FAM120B: variants seen among roughly 807,000 people sequenced by gnomAD.
The protein encoded by FAM120B is constitutive coactivator of peroxisome proliferator-activated receptor gamma.
A neutral mutation model predicts 96.3 loss-of-function variants in FAM120B; 83 were observed. That is an observed-to-expected ratio of 0.86 (90% CI 0.72 to 1.03). The LOEUF (loss-of-function observed/expected upper bound fraction) is 1.03, where lower values mean the gene tolerates loss of function less well. Among genes scored for constraint, FAM120B ranks in the 50% least tolerant of loss-of-function variants. FAM120B has a pLI of 0.00. For missense variants in FAM120B, 1,027 were observed against 1,121.2 expected, an observed-to-expected ratio of 0.92 and a Z score of 1.20; for synonymous variants, 407 against 402.7, an observed-to-expected ratio of 1.01 and a Z score of -0.13.
At chr6:170,362,908 C>T (rs1788555684) in intron 6 of FAM120B, among the ~76,000 whole-genome samples, 1 of 151,916 alleles carries the variant, frequency 6.6e-6, no homozygotes, top group South Asian at 2.1e-4. Flanking sequence ...TGGTCTCGAA[C>T]TCCTGAGCTC....
upstream of FAM120B, among the ~76,000 whole-genome samples, chr6:170,294,031 C>T (rs1220058734): frequency 6.6e-6 from 1 of 152,160 alleles, no homozygotes; most frequent in African/African-American, 2.4e-5. The surrounding 1 kb of genome is among the most constrained non-coding windows in gnomAD (Gnocchi z 7.9). Flanking sequence ...CCATCAGCCC[C>T]CTAGCCAGCC....
At position 170,396,739 on chromosome 6, in the gene FAM120B, G is replaced by T. The variant is rs151187911; in HGVS notation, c.2692+1160G>T. On this transcript the variant is annotated intron_variant, in intron 9 of 10. Transcript: ENST00000476287. ...CATCCGAGTATTTATACCAGTGCAG[G>T]GCAACTGAGATCTGGGCAAAAGACC... 2.3e-3 allele frequency among the ~76,000 whole-genome samples: 344 copies of T among 152,264 alleles called. 2 individuals are homozygous for T. The highest frequency in any genetic ancestry group is 0.014 in the Middle Eastern group (4 of 294).
At chr6:170,299,860 T>A (rs1332337841) in intron 1 of FAM120B, among the ~76,000 whole-genome samples, 1 of 152,248 alleles carries the variant, frequency 6.6e-6, no homozygotes, top group African/African-American at 2.4e-5. Context: ...CTGACATCCA[T>A]GCCCTGTCAG....
chr6:170,336,275 G>A (rs1265259551), intron 4 of FAM120B, among the ~76,000 whole-genome samples: 1 of 152,182 alleles, frequency 6.6e-6, no homozygotes, highest in Admixed American at 6.5e-5. Flanking sequence ...TGGCTAGCCA[G>A]TTTTCACAGC....
At chr6:170,303,084 A>G (rs1784175379), upstream of FAM120B, among the ~76,000 whole-genome samples, 1 of 152,258 alleles carries the variant, frequency 6.6e-6, no homozygotes, top group Non-Finnish European at 1.5e-5. Context: ...TTTTCCTTAT[A>G]TCAAATATTT....
chr6:170,397,965 T>A (rs1778273770), intron 9 of FAM120B, among the ~76,000 whole-genome samples: 1 of 140,346 alleles, frequency 7.1e-6, no homozygotes, highest in Non-Finnish European at 1.6e-5. Flanking sequence ...AAGGAGACCT[T>A]CTGCTTACCC....
intron 9 of FAM120B, among the ~76,000 whole-genome samples, chr6:170,402,016 G>A (rs142872576): frequency 6.6e-6 from 1 of 152,220 alleles, no homozygotes; most frequent in Admixed American, 6.5e-5. Flanking sequence ...GACTCCCTGC[G>A]CCCTGGGCTC....
chr6:170,375,017 G>A (rs1432822765), intron 6 of FAM120B, among the ~76,000 whole-genome samples: 1 of 152,220 alleles, frequency 6.6e-6, no homozygotes, highest in Non-Finnish European at 1.5e-5. Context: ...GCACAGATGA[G>A]ATCACCACAA....
intron 6 of FAM120B, among the ~76,000 whole-genome samples, chr6:170,381,465 T>C (rs1485366487): frequency 6.6e-6 from 1 of 152,170 alleles, no homozygotes; most frequent in East Asian, 1.9e-4. Flanking sequence ...TAAAGAAGAA[T>C]TAATGCTAGT....
intron 6 of FAM120B, among the ~76,000 whole-genome samples, chr6:170,379,028 G>A (rs1789748242): frequency 6.6e-6 from 1 of 152,202 alleles, no homozygotes. Context: ...GGTTTCTCTG[G>A]CGTTTATGCT....
At chr6:170,315,018 G>A (rs554898055) in intron 1 of FAM120B, among the ~76,000 whole-genome samples, 11 of 152,234 alleles carry the variant, frequency 7.2e-5, no homozygotes, top group Admixed American at 1.3e-4. Context: ...CACAGTGGGC[G>A]TGCGGTGAAC....
intron 8 of FAM120B, among the ~76,000 whole-genome samples, chr6:170,395,265 A>G (rs1256430874): frequency 6.6e-6 from 1 of 152,044 alleles, no homozygotes; most frequent in Non-Finnish European, 1.5e-5. Context: ...CCAATACCAG[A>G]TTCTCCTGGG....
intron 9 of FAM120B, among the ~76,000 whole-genome samples, chr6:170,396,511 G>C (rs1778173123): frequency 1.3e-5 from 2 of 152,192 alleles, no homozygotes; most frequent in African/African-American, 4.8e-5. Flanking sequence ...ATCTTTGAGA[G>C]AGCTCCAGGA....
rs59202158 is a variant in FAM120B, at chr6:170,352,954, G to GT, written c.2190+4640dup. The stretch of plus-strand genomic sequence containing the variant: ...AAAAAAATCAATGAATCCAGGAGCT[G>GT]TTTTTTTTTAAATTAATAGACCACT... On this transcript the variant is annotated intron_variant, in intron 5 of 10. Transcript: ENST00000476287. 5.7e-3 allele frequency among the ~76,000 whole-genome samples: 855 copies of GT among 150,916 alleles called. 6 individuals are homozygous for GT. Among genetic ancestry groups the GT allele is most frequent in the Non-Finnish European group, 8.9e-3 (603 of 67,636 alleles).
Position 170,318,526 on chromosome 6 carries a change from T to C in FAM120B, c.1136T>C (p.Met379Thr), listed in dbSNP as rs6905356. 0.15 allele frequency: 227,416 copies of C among 1,494,492 alleles called. 17,740 individuals are homozygous for C. Among genetic ancestry groups the C allele is most frequent in the East Asian group, 0.31 (13,552 of 43,754 alleles). The allele number at this position is 1,494,492 out of a possible 1,614,324, so 92.6% of individuals were successfully genotyped here. A position where few individuals can be genotyped will look rare whatever the true frequency, so the allele number is the denominator to read the frequency against. ...TCTGAACCCAGGCAAGAAGTTCCCA[T>C]GTGTTCAGACCCTGAACCCAGGCAA... Reference protein sequence around the residue: ...TDSEPRQEVPMCSDPEPRQEV... With the variant: ...TDSEPRQEVPTCSDPEPRQEV... Residue 379 changes from methionine (M) to threonine (T), a missense_variant, in exon 2 of 11, where the codon ATG (methionine) becomes ACG (threonine). Around this residue, in one of 3 missense-constraint regions of FAM120B, gnomAD observed 880 missense variants for 980.9 expected, o/e 0.90. Coordinates refer to ENST00000476287, the MANE Select transcript of FAM120B (RefSeq NM_032448.3).
rs1790169040 is a variant in FAM120B, at chr6:170,386,061, C to A, written c.2284-2226C>A. Reference sequence around the variant, plus strand: ...CTCATGGTGGCTCCAGGTCATTACACATTTGTCCAAACTCGCAGAATGTAC... The same window carrying A: ...CTCATGGTGGCTCCAGGTCATTACAAATTTGTCCAAACTCGCAGAATGTAC... On this transcript the variant is annotated intron_variant, in intron 6 of 10. Transcript: ENST00000476287. 2.0e-5 allele frequency among the ~76,000 whole-genome samples: 3 copies of A among 152,118 alleles called. No homozygotes were observed. The South Asian group carries it at 6.2e-4, about 32-fold the overall frequency.
intron 6 of FAM120B, among the ~76,000 whole-genome samples, chr6:170,368,823 G>T (rs993259946): frequency 8.0e-6 from 1 of 125,212 alleles, no homozygotes; most frequent in African/African-American, 3.0e-5. Context: ...CCGGGGCTGG[G>T]GGGGGGGCTC....
chr6:170,385,054 G>A (rs1790114116), intron 6 of FAM120B, among the ~76,000 whole-genome samples: 1 of 152,206 alleles, frequency 6.6e-6, no homozygotes, highest in Admixed American at 6.5e-5. Flanking sequence ...CTTCTCCAGT[G>A]CATATGGGAA....
intron 3 of FAM120B, 71 bp from the exon 4 acceptor site, chr6:170,330,378 T>C (rs1368303990): frequency 8.2e-7 from 1 of 1,214,402 alleles, no homozygotes; most frequent in Non-Finnish European, 1.2e-6. Context: ...TGGGCAGAGC[T>C]GGGTCTGTGA....
Sources: gnomAD v4.1 joint callset for allele counts (sites outside exome capture counted in the v4.1 genomes callset) on GRCh38, gnomAD v4.1.1 for gene constraint, gnomAD v4.1.1 regional missense constraint, Gnocchi (gnomAD v3.1) non-coding constraint, MANE v1.5 for transcripts, NCBI Gene and HGNC (gene_info 2026-07-23, HGNC 2026-07-21) for gene names.